Variants in WNK2 observed in about 807,000 individuals in gnomAD.
The protein encoded by WNK2 is WNK lysine deficient protein kinase 2.
Under a neutral mutation model 192.1 loss-of-function variants are expected in WNK2, and 67 were observed. That is an observed-to-expected ratio of 0.35 (90% confidence interval 0.29 to 0.43). The LOEUF (loss-of-function observed/expected upper bound fraction) is 0.43, where lower values mean the gene tolerates loss of function less well. Ranked by LOEUF, WNK2 falls within the 20% of genes least tolerant of loss-of-function variation. The probability of loss-of-function intolerance (pLI) is 1.00; values close to 1 mark genes in which losing one functional copy is unlikely to be tolerated. For missense variants in WNK2, 2,698 were observed against 3,089.7 expected (o/e 0.87, Z 3.01); for synonymous variants, 1,439 against 1,393.9 (o/e 1.03, Z -0.72).
chr9:93,236,692 C>T lies in WNK2; in HGVS notation c.1234-1541C>T, dbSNP rs547611790. Reference sequence around the variant, plus strand: ...CATCAGCTGGGTGAGGAGCCACTGTCCCTCAGGCTGCCACCCGCACCCCCC... The same window carrying T: ...CATCAGCTGGGTGAGGAGCCACTGTTCCTCAGGCTGCCACCCGCACCCCCC... On this transcript the variant is annotated intron_variant, in intron 5 of 29. Transcript: ENST00000427277. Among the ~76,000 whole-genome samples, 6 of 152,352 alleles carry T rather than the reference C, an allele frequency of 3.9e-5. No homozygotes were observed. The South Asian group carries it at 1.2e-3, about 32-fold the overall frequency.
Position 93,263,927 on chromosome 9 carries a change from CTG to C in WNK2, c.3591_3592del (p.Asp1199GlnfsTer28), listed in dbSNP as rs1844759891. On this transcript the variant is annotated frameshift_variant, in exon 16 of 30. Coordinates refer to ENST00000427277, the MANE Select transcript of WNK2 (RefSeq NM_006648.4). LOFTEE classifies it high-confidence loss of function. ...TGCTGCCCCTTCCAGGTGTGCAACA[CTG>C]GGGACAAGATGGTGGAGTGCCAGCT... is the stretch of plus-strand genomic sequence containing the variant. The C allele has an allele frequency of 6.2e-7, 1 of 1,612,786 alleles. No homozygotes were observed. The highest frequency in any genetic ancestry group is 8.5e-7 in the Non-Finnish European group (1 of 1,179,638).
intron 9 of WNK2, among the ~76,000 whole-genome samples, chr9:93,255,888 A>T (rs939267990): frequency 6.6e-6 from 1 of 152,188 alleles, no homozygotes; most frequent in African/African-American, 2.4e-5. Context: ...TGGAGTGCTC[A>T]CATGCTGTTC....
Position 93,257,846 on chromosome 9 carries a change from A to G in WNK2, c.2382+707A>G, listed in dbSNP as rs1236660500. Among the ~76,000 whole-genome samples, 1 of 152,196 alleles carries G rather than the reference A, an allele frequency of 6.6e-6. No homozygotes were observed. Among genetic ancestry groups the G allele is most frequent in the African/African-American group, 2.4e-5 (1 of 41,452 alleles). On this transcript the variant is annotated intron_variant, in intron 11 of 29. Transcript: ENST00000427277. The surrounding 1 kb of genome is among the most constrained non-coding windows in gnomAD (Gnocchi z 4.7). ...CACTCGAGGGACCTGACTGCATGTA[A>G]CTGGTGCAGAATGTAGCCGGGGCCA...
In WNK2 at chr9:93,267,891, G is replaced by A. The variant is rs1393559359; in HGVS notation, c.3842G>A (p.Ser1281Asn). ...CCAGGGACCAGCCCGCCACACCTCA[G>A]CACCTGCGGCCTGGGCACCGGGGAG... The part of the protein sequence containing the change: ...SDPGTSPPHL[S>N]TCGLGTGEES... The change falls in exon 17 of 30, where the codon AGC (serine) becomes AAC (asparagine). Residue 1281 changes from serine (S) to asparagine (N), a missense_variant. Transcript: ENST00000427277. 1.9e-6 allele frequency: 3 copies of A among 1,612,738 alleles called. No homozygotes were observed. Among genetic ancestry groups the A allele is most frequent in the Admixed American group, 1.7e-5 (1 of 59,882 alleles).
chr9:93,252,972 G>C lies in WNK2; in HGVS notation c.1924G>C (p.Asp642His). Residue 642 changes from aspartate to histidine, a missense_variant, in exon 9 of 30, where the codon GAC becomes CAC. This residue lies in a region of WNK2 where 893 missense variants were observed against 909.0 expected (regional missense o/e 0.98). Coordinates refer to ENST00000427277, the MANE Select transcript of WNK2 (RefSeq NM_006648.4). Reference sequence around the variant, plus strand: ...GAGCGTGATGCTTGGCTCCCTTGCCGACGCAGCGCCGTCCCCGGCCCAGTG... The same window carrying C: ...GAGCGTGATGCTTGGCTCCCTTGCCCACGCAGCGCCGTCCCCGGCCCAGTG... ...QQSVMLGSLA[D>H]AAPSPAQCVC... 1 of 1,573,034 alleles carries C rather than the reference G, an allele frequency of 6.4e-7. No homozygotes were observed. Among genetic ancestry groups the C allele is most frequent in the Non-Finnish European group, 8.6e-7 (1 of 1,160,460 alleles).
intron 5 of WNK2, among the ~76,000 whole-genome samples, chr9:93,237,310 T>C (rs1038533963): frequency 1.3e-5 from 2 of 152,214 alleles, no homozygotes; most frequent in African/African-American, 4.8e-5. Flanking sequence ...GAATGTCATG[T>C]GCATATGTGA....
chr9:93,276,538 T>C (rs756709902), intron 19 of WNK2, among the ~76,000 whole-genome samples: 4 of 152,192 alleles, frequency 2.6e-5, no homozygotes, highest in Non-Finnish European at 4.4e-5. Flanking sequence ...TTCTTAGACC[T>C]GACACCAAAA....
At chr9:93,206,831 C>G (rs577081640) in intron 2 of WNK2, among the ~76,000 whole-genome samples, 1 of 152,288 alleles carries the variant, frequency 6.6e-6, no homozygotes, top group South Asian at 2.1e-4. Context: ...GTAGGTTTTT[C>G]TGGGGATACA....
At position 93,272,480 on chromosome 9, in the gene WNK2, G is replaced by A. The variant is rs1846137934; in HGVS notation, c.4033+3734G>A. Reference sequence around the variant, plus strand: ...AGGCCGAGCATGGTGGCTCATGACTGTAATCCCAGCACTTTGGGAGCCCAA... The same window carrying A: ...AGGCCGAGCATGGTGGCTCATGACTATAATCCCAGCACTTTGGGAGCCCAA... On this transcript the variant is annotated intron_variant, in intron 19 of 29. Coordinates refer to ENST00000427277, the MANE Select transcript of WNK2 (RefSeq NM_006648.4). Among the ~76,000 whole-genome samples, 5 of 152,180 alleles carry A rather than the reference G, an allele frequency of 3.3e-5. No individual in the cohort carries two copies. In the South Asian group the frequency reaches 1.0e-3, roughly 31 times the overall value.
In WNK2 at chr9:93,208,467, C is replaced by T. The variant is rs545386232; in HGVS notation, c.682-21229C>T. On this transcript the variant is annotated intron_variant, in intron 2 of 29. Transcript: ENST00000427277. ...GCATGTGTCACCATGTTTGCATGTT[C>T]TCCATGTGCATGTGTTCTCTGTGTG... Among the ~76,000 whole-genome samples the T allele has an allele frequency of 5.1e-3, 782 of 152,048 alleles. 6 individuals carry two copies. The highest frequency in any genetic ancestry group is 0.018 in the African/African-American group (746 of 41,494).
At chr9:93,266,524 A>G (rs1257708857) in intron 16 of WNK2, among the ~76,000 whole-genome samples, 1 of 152,252 alleles carries the variant, frequency 6.6e-6, no homozygotes, top group Non-Finnish European at 1.5e-5. Flanking sequence ...AAATTTCACA[A>G]AATTGGAACG....
intron 19 of WNK2, among the ~76,000 whole-genome samples, chr9:93,279,431 T>G (rs1931367): frequency 6.6e-6 from 1 of 152,148 alleles, no homozygotes; most frequent in Non-Finnish European, 1.5e-5. Context: ...TCATGGAAAT[T>G]AAAGAAGATC....
intron 2 of WNK2, among the ~76,000 whole-genome samples, chr9:93,190,453 G>A (rs781704427): frequency 2.0e-5 from 3 of 152,250 alleles, no homozygotes; most frequent in South Asian, 4.1e-4. Flanking sequence ...GGACTCGAGC[G>A]TACCTGTGCT....
Position 93,247,882 on chromosome 9 carries a change from C to G in WNK2, c.1834+48C>G. ...GCCATGGGCACCCCTCCCACCTACCCTGCAAAAACCAGCTATTGGGCAAAG... is the reference window on the plus strand; with the variant it reads ...GCCATGGGCACCCCTCCCACCTACCGTGCAAAAACCAGCTATTGGGCAAAG... On this transcript the variant is annotated intron_variant, in intron 8 of 29. Transcript: ENST00000427277. The surrounding 1 kb of genome is among the most constrained non-coding windows in gnomAD (Gnocchi z 5.2). The G allele has an allele frequency of 6.6e-7, 1 of 1,507,208 alleles. No homozygotes were observed. Among genetic ancestry groups the G allele is most frequent in the Non-Finnish European group, 8.8e-7 (1 of 1,132,666 alleles). 93.4% of individuals were successfully genotyped at this position (1,507,208 alleles called of 1,614,324 possible). A position where few individuals can be genotyped will look rare whatever the true frequency, so the allele number is the denominator to read the frequency against.
At chr9:93,200,656 ATG>A (rs1832175321) in intron 2 of WNK2, among the ~76,000 whole-genome samples, 1 of 152,222 alleles carries the variant, frequency 6.6e-6, no homozygotes, top group Admixed American at 6.5e-5. Flanking sequence ...ATGCCGGAGC[ATG>A]GCCCTGCTGC....
intron 9 of WNK2, among the ~76,000 whole-genome samples, chr9:93,253,626 C>T (rs899798810): frequency 3.9e-5 from 6 of 152,002 alleles, no homozygotes; most frequent in East Asian, 1.9e-4. Flanking sequence ...TATTGTGTAG[C>T]GGTTAAAGTC....
At chr9:93,203,044 G>T (rs1053308116) in intron 2 of WNK2, among the ~76,000 whole-genome samples, 12 of 152,012 alleles carry the variant, frequency 7.9e-5, no homozygotes, top group East Asian at 1.9e-4. Context: ...AGGATGGGGG[G>T]CATGGGATGC....
intron 5 of WNK2, among the ~76,000 whole-genome samples, chr9:93,235,331 G>C (rs1839620541): frequency 6.6e-6 from 1 of 152,234 alleles, no homozygotes; most frequent in Non-Finnish European, 1.5e-5. Flanking sequence ...CCCATCCCCA[G>C]TGCTCACACT....
At chr9:93,221,256 A>G (rs994695301) in intron 2 of WNK2, among the ~76,000 whole-genome samples, 2 of 152,176 alleles carry the variant, frequency 1.3e-5, no homozygotes, top group Non-Finnish European at 2.9e-5. Context: ...GGGTGCTGGC[A>G]TGGGAAGCCA....
Sources: allele counts gnomAD v4.1 joint callset (sites outside exome capture counted in the v4.1 genomes callset), GRCh38; gene constraint gnomAD v4.1.1; regional missense constraint gnomAD v4.1.1; non-coding constraint Gnocchi (gnomAD v3.1); transcripts MANE v1.5; gene names NCBI Gene and HGNC (gene_info 2026-07-23, HGNC 2026-07-21).